Variants in INPP5B observed in about 807,000 individuals in gnomAD.
The protein encoded by INPP5B is type II inositol 1,4,5-trisphosphate 5-phosphatase.
A neutral mutation model predicts 118.5 loss-of-function variants in INPP5B; 90 were observed. The ratio of observed to expected loss-of-function variants is 0.76; its 90% CI spans 0.64 to 0.90. The LOEUF (loss-of-function observed/expected upper bound fraction) is 0.90. Ranked by LOEUF, INPP5B falls within the 40% of genes least tolerant of loss-of-function variation. The probability of loss-of-function intolerance (pLI) is 0.00; values close to 1 mark genes in which losing one functional copy is unlikely to be tolerated. For missense variants in INPP5B, 984 were observed against 1,125.6 expected, an observed-to-expected ratio of 0.87 and a Z score of 1.80; for synonymous variants, 385 against 418.9, an observed-to-expected ratio of 0.92 and a Z score of 0.99.
chr1:37,935,396 A>G (rs1254532849), intron 6 of INPP5B, among the ~76,000 whole-genome samples: 10 of 150,638 alleles, frequency 6.6e-5, no homozygotes, highest in Admixed American at 1.3e-4. Context: ...GTTTCACCAT[A>G]TTGGTCAGGC....
chr1:37,884,027 G>A (rs550908643), intron 13 of INPP5B, among the ~76,000 whole-genome samples: 1 of 152,286 alleles, frequency 6.6e-6, no homozygotes, highest in African/African-American at 2.4e-5. Context: ...TCTTTGTAAA[G>A]TTGAATTAAG....
intron 5 of INPP5B, among the ~76,000 whole-genome samples, chr1:37,943,228 G>A (rs1330994502): frequency 1.3e-5 from 2 of 152,004 alleles, no homozygotes; most frequent in Non-Finnish European, 2.9e-5. Flanking sequence ...TTGAACTCCT[G>A]ACCTCGTGAT....
chr1:37,878,100 G>C (rs1435206103), intron 16 of INPP5B, 88 bp downstream of exon 16: 20 of 1,483,000 alleles, frequency 1.3e-5, no homozygotes, highest in Non-Finnish European at 1.7e-5. Flanking sequence ...CAAAAGGAGA[G>C]GAAGAAACCA....
At chr1:37,920,825 G>C (rs907664870) in intron 7 of INPP5B, among the ~76,000 whole-genome samples, 1 of 151,816 alleles carries the variant, frequency 6.6e-6, no homozygotes, top group Non-Finnish European at 1.5e-5. Flanking sequence ...AGAGATCCTC[G>C]GCCAGGCGCG....
intron 7 of INPP5B, among the ~76,000 whole-genome samples, chr1:37,915,462 T>C (rs971929627): frequency 1.3e-5 from 2 of 152,242 alleles, no homozygotes; most frequent in Admixed American, 1.3e-4. Flanking sequence ...AAATTGAGCT[T>C]GGGTCAAACT....
intron 7 of INPP5B, among the ~76,000 whole-genome samples, chr1:37,904,076 T>C (rs1191784803): frequency 6.6e-6 from 1 of 151,960 alleles, no homozygotes; most frequent in African/African-American, 2.4e-5. Context: ...CCTGTAATCC[T>C]AGAACTTTGG....
chr1:37,945,371 T>G (rs1173289785), intron 3 of INPP5B, among the ~76,000 whole-genome samples: 1 of 150,562 alleles, frequency 6.6e-6, no homozygotes, highest in Non-Finnish European at 1.5e-5. Context: ...ACGCAGAGGT[T>G]GCAGTGAGCC....
intron 11 of INPP5B, 149 bp downstream of exon 11, chr1:37,887,202 G>A (rs144875817): frequency 2.4e-5 from 17 of 719,812 alleles, no homozygotes; most frequent in East Asian, 1.8e-4. Flanking sequence ...TTTCCCACCC[G>A]GAGGCACCCC....
At chr1:37,866,429 C>CACACACAA in intron 21 of INPP5B, 30 bp downstream of exon 21, 1 of 1,151,810 alleles carries the variant, frequency 8.7e-7, no homozygotes, top group Non-Finnish European at 1.3e-6. Context: ...CACACACACA[C>CACACACAA]ACACACAGAG....
chr1:37,937,905 T>C (rs1311203220), intron 6 of INPP5B, among the ~76,000 whole-genome samples: 1 of 145,620 alleles, frequency 6.9e-6, no homozygotes, highest in Admixed American at 6.8e-5. Context: ...GAGGCGGAGG[T>C]TGTAGTAAGC....
At chr1:37,945,153 G>A (rs1326265793) in intron 3 of INPP5B, among the ~76,000 whole-genome samples, 1 of 151,632 alleles carries the variant, frequency 6.6e-6, no homozygotes, top group African/African-American at 2.4e-5. Context: ...ATGTGAGGCT[G>A]GGCACGCTGG....
intron 23 of INPP5B, among the ~76,000 whole-genome samples, chr1:37,863,718 AAC>A (rs201033440): frequency 0.012 from 1,870 of 151,410 alleles, 34 homozygotes; most frequent in African/African-American, 0.043. Context: ...TGCACACACA[AAC>A]ACACACGCAC....
intron 15 of INPP5B, among the ~76,000 whole-genome samples, chr1:37,879,276 A>G (rs1643047295): frequency 6.6e-6 from 1 of 151,656 alleles, no homozygotes; most frequent in Non-Finnish European, 1.5e-5. Flanking sequence ...GTCTCAAAAA[A>G]AAAAAAAGAT....
chr1:37,925,750 AAACT>A (rs1645203962), intron 7 of INPP5B, among the ~76,000 whole-genome samples: 1 of 152,198 alleles, frequency 6.6e-6, no homozygotes, highest in African/African-American at 2.4e-5. Flanking sequence ...ATTCCAAAAC[AAACT>A]GTTTTCAGAA....
At chr1:37,873,205 G>A in intron 18 of INPP5B, 40 bp from the exon 19 acceptor site, 1 of 1,454,304 alleles carries the variant, frequency 6.9e-7, no homozygotes, top group East Asian at 2.3e-5. Flanking sequence ...CCGGGGGCAG[G>A]CCAAGAGGAA....
chr1:37,889,476 AG>A (rs1643716071), intron 9 of INPP5B, 80 bp downstream of exon 9: 4 of 1,038,028 alleles, frequency 3.9e-6, no homozygotes, highest in Non-Finnish European at 5.7e-6. Flanking sequence ...CTCCAAATCC[AG>A]GTATAGGAGG....
chr1:37,937,818 A>G (rs1011527870), intron 6 of INPP5B, among the ~76,000 whole-genome samples: 1 of 151,794 alleles, frequency 6.6e-6, no homozygotes, highest in Admixed American at 6.6e-5. Flanking sequence ...AAATACAAAA[A>G]TTAGCCAGGC....
chr1:37,916,531 CT>C (rs1250427566), intron 7 of INPP5B, among the ~76,000 whole-genome samples: 6 of 152,010 alleles, frequency 3.9e-5, no homozygotes, highest in Non-Finnish European at 8.8e-5. Context: ...ATTCTCTTGC[CT>C]CAGCCTCCCG....
intron 20 of INPP5B, among the ~76,000 whole-genome samples, chr1:37,867,770 C>G (rs1642133599): frequency 6.6e-6 from 1 of 152,106 alleles, no homozygotes; most frequent in Admixed American, 6.5e-5. Flanking sequence ...GAAGGCTGCC[C>G]TAGTCACTCT....
Sources: allele counts gnomAD v4.1 joint callset (sites outside exome capture counted in the v4.1 genomes callset), GRCh38; gene constraint gnomAD v4.1.1; transcripts MANE v1.5; gene names NCBI Gene and HGNC (gene_info 2026-07-23, HGNC 2026-07-21).